CCDC13: variants seen among roughly 807,000 people sequenced by gnomAD.
CCDC13 encodes the protein coiled-coil domain-containing protein 13.
CCDC13 carries 70 observed loss-of-function variants against 87.3 expected under a neutral mutation model. The ratio of observed to expected loss-of-function variants is 0.80; its 90% CI spans 0.66 to 0.98. The LOEUF (loss-of-function observed/expected upper bound fraction) is 0.98, where lower values mean the gene tolerates loss of function less well. Among genes scored for constraint, CCDC13 ranks in the 50% least tolerant of loss-of-function variants. The pLI, the probability that CCDC13 is intolerant of heterozygous loss-of-function variation, is 0.00. For synonymous variants in CCDC13, 317 were observed against 360.3 expected (o/e 0.88, Z 1.36); for missense variants, 842 against 892.0 (o/e 0.94, Z 0.71).
chr3:42,727,234 T>A lies in CCDC13; in HGVS notation c.1718+3233A>T, dbSNP rs528345275. On this transcript the variant is annotated intron_variant, in intron 13 of 15. Coordinates refer to ENST00000310232, the MANE Select transcript of CCDC13 (RefSeq NM_144719.4). ...TAAAAATACAAAAATTAGCTGGGCGTAGTGGCTCACACCTGTAGTCCCAGC... is the reference window on the plus strand; with the variant it reads ...TAAAAATACAAAAATTAGCTGGGCGAAGTGGCTCACACCTGTAGTCCCAGC... Among the ~76,000 whole-genome samples the A allele has an allele frequency of 2.6e-5, 4 of 152,106 alleles. No homozygotes were observed. In the East Asian group the frequency reaches 7.7e-4, roughly 29 times the overall value.
At chr3:42,749,494 T>C (rs1446833938) in intron 5 of CCDC13, among the ~76,000 whole-genome samples, 2 of 152,244 alleles carry the variant, frequency 1.3e-5, no homozygotes, top group African/African-American at 2.4e-5. Flanking sequence ...GGACAACGCA[T>C]GTCAAGGGTG....
intron 7 of CCDC13, chr3:42,745,394 C>G (rs1310275205): frequency 6.5e-6 from 1 of 153,360 alleles, no homozygotes; most frequent in Non-Finnish European, 1.5e-5. Context: ...GCTAAAGGAA[C>G]TTGCTTAAGG....
chr3:42,741,785 G>A (rs1699227913), intron 8 of CCDC13, among the ~76,000 whole-genome samples: 1 of 152,158 alleles, frequency 6.6e-6, no homozygotes, highest in African/African-American at 2.4e-5. Context: ...TCAAGATACA[G>A]GCCAAAAGTC....
intron 13 of CCDC13, among the ~76,000 whole-genome samples, chr3:42,723,940 T>G (rs1698627757): frequency 6.6e-6 from 1 of 152,114 alleles, no homozygotes; most frequent in Non-Finnish European, 1.5e-5. Flanking sequence ...TACTATATGA[T>G]CTAATTAAAA....
chr3:42,764,207 G>A (rs1417965771), intron 1 of CCDC13, among the ~76,000 whole-genome samples: 3 of 152,222 alleles, frequency 2.0e-5, no homozygotes, highest in Non-Finnish European at 4.4e-5. Flanking sequence ...CTGTGTTGAT[G>A]TTAAATGTTG....
chr3:42,704,617 C>T (rs1698127792), downstream of CCDC13: 1 of 152,320 alleles, frequency 6.6e-6, no homozygotes, highest in African/African-American at 2.4e-5. Flanking sequence ...GACCCACACA[C>T]AGCAGGGTCT....
chr3:42,757,710 T>C (rs931419006), intron 2 of CCDC13, among the ~76,000 whole-genome samples: 3 of 151,860 alleles, frequency 2.0e-5, no homozygotes, highest in African/African-American at 7.3e-5. Flanking sequence ...AGACTCTGTC[T>C]CTTAAAAAAA....
intron 13 of CCDC13, among the ~76,000 whole-genome samples, chr3:42,723,221 A>G (rs1698608771): frequency 6.6e-6 from 1 of 152,176 alleles, no homozygotes; most frequent in Non-Finnish European, 1.5e-5. Flanking sequence ...TTCCTGTAAC[A>G]GTTTGCAGGA....
intron 13 of CCDC13, among the ~76,000 whole-genome samples, chr3:42,722,120 C>T (rs1436068449): frequency 6.6e-6 from 1 of 152,180 alleles, no homozygotes; most frequent in African/African-American, 2.4e-5. Context: ...TGAATACTTT[C>T]TTAAATTGAA....
intron 1 of CCDC13, among the ~76,000 whole-genome samples, chr3:42,767,904 G>A (rs1699965508): frequency 6.6e-6 from 1 of 151,874 alleles, no homozygotes; most frequent in Non-Finnish European, 1.5e-5. Context: ...AACCCAGGAG[G>A]CAGAGGTTGC....
chr3:42,714,985 G>C (rs989446559), intron 13 of CCDC13, among the ~76,000 whole-genome samples: 4 of 152,138 alleles, frequency 2.6e-5, no homozygotes, highest in Admixed American at 2.6e-4. Flanking sequence ...ATGTCCACAT[G>C]TAGCCATTAA....
At chr3:42,736,980 G>C (rs1380170733) in intron 9 of CCDC13, among the ~76,000 whole-genome samples, 1 of 152,118 alleles carries the variant, frequency 6.6e-6, no homozygotes, top group Non-Finnish European at 1.5e-5. Flanking sequence ...TTGATACATA[G>C]GTATACATAT....
intron 14 of CCDC13, among the ~76,000 whole-genome samples, chr3:42,712,498 C>A (rs1281445999): frequency 1.3e-5 from 2 of 152,232 alleles, no homozygotes; most frequent in Non-Finnish European, 2.9e-5. Context: ...TAGCATTTCC[C>A]AGCTTCCCTC....
rs1698701452 is a variant in CCDC13, at chr3:42,726,867, AAG to A, written c.1718+3598_1718+3599del. ...GTGAAATTTCAAAGCTTCAAAGACAAAGAGAATAATCTGAAGAAGCATCGGAG... is the reference window on the plus strand; with the variant it reads ...GTGAAATTTCAAAGCTTCAAAGACAAAGAATAATCTGAAGAAGCATCGGAG... On this transcript the variant is annotated intron_variant, in intron 13 of 15. Coordinates refer to ENST00000310232, the MANE Select transcript of CCDC13 (RefSeq NM_144719.4). Among the ~76,000 whole-genome samples, 3 of 152,130 alleles carry A rather than the reference AAG, an allele frequency of 2.0e-5. No homozygotes were observed. The East Asian group carries it at 5.8e-4, about 29-fold the overall frequency.
At chr3:42,742,841 C>T in intron 8 of CCDC13, 55 bp downstream of exon 8, 1 of 1,599,698 alleles carries the variant, frequency 6.3e-7, no homozygotes, top group Non-Finnish European at 8.5e-7. Context: ...CTTGCAGGCA[C>T]CATCATGATC....
chr3:42,710,896 G>A (rs1698294979), intron 14 of CCDC13, among the ~76,000 whole-genome samples: 1 of 152,082 alleles, frequency 6.6e-6, no homozygotes, highest in Non-Finnish European at 1.5e-5. Context: ...TGCCCTGGAT[G>A]GGAAACTGCT....
intron 9 of CCDC13, among the ~76,000 whole-genome samples, chr3:42,739,059 C>T (rs1304904640): frequency 1.3e-5 from 2 of 152,126 alleles, no homozygotes; most frequent in South Asian, 2.1e-4. Flanking sequence ...TCATAAATAG[C>T]TCTTATTATT....
chr3:42,749,210 C>G (rs1699504235), intron 5 of CCDC13, among the ~76,000 whole-genome samples: 1 of 152,204 alleles, frequency 6.6e-6, no homozygotes, highest in South Asian at 2.1e-4. Context: ...CCCTCCACCC[C>G]CTGCCACGCC....
At chr3:42,745,022 A>G (rs556235199) in intron 7 of CCDC13, 1 of 152,242 alleles carries the variant, frequency 6.6e-6, no homozygotes, top group South Asian at 2.1e-4. Context: ...ACGTAAACTC[A>G]GGTCTCTTGA....
Sources: gnomAD v4.1 joint callset for allele counts (sites outside exome capture counted in the v4.1 genomes callset) on GRCh38, gnomAD v4.1.1 for gene constraint, MANE v1.5 for transcripts, NCBI Gene and HGNC (gene_info 2026-07-23, HGNC 2026-07-21) for gene names.